Variants in PIWIL4 observed in about 807,000 individuals in gnomAD.
PIWIL4 encodes piwi-like protein 4.
In PIWIL4, 50 loss-of-function variants were observed where a neutral mutation model predicts 100.9. That is an observed-to-expected ratio of 0.50 (90% CI 0.39 to 0.63). PIWIL4 has a LOEUF of 0.63. Among genes scored for constraint, PIWIL4 ranks in the 20% least tolerant of loss-of-function variants. PIWIL4 has a pLI of 0.00. For missense variants in PIWIL4, 887 were observed against 1,043.3 expected, an observed-to-expected ratio of 0.85 and a Z score of 2.06; for synonymous variants, 342 against 367.5, an observed-to-expected ratio of 0.93 and a Z score of 0.79.
chr11:94,595,244 G>T lies in PIWIL4; in HGVS notation c.1151-65G>T, dbSNP rs1215334865. 53 of 1,333,450 alleles carry T rather than the reference G, an allele frequency of 4.0e-5. No homozygotes were observed. In the Middle Eastern group the frequency reaches 1.5e-3, roughly 37 times the overall value. 82.6% of individuals were successfully genotyped at this position (1,333,450 alleles called of 1,614,324 possible). On this transcript the variant is annotated intron_variant, in intron 9 of 19. Transcript: ENST00000299001. Reference sequence around the variant, plus strand: ...GCATTCAAGTGGAAAGGTTTAAACTGGGCCTTTGATGGGCTGAGTTGCTTA... The same window carrying T: ...GCATTCAAGTGGAAAGGTTTAAACTTGGCCTTTGATGGGCTGAGTTGCTTA...
Position 94,601,838 on chromosome 11 carries a change from C to A in PIWIL4, c.1424C>A (p.Thr475Asn). ...SAADWSKDIR[T>N]CKILNAQSLN... Reference sequence around the variant, plus strand: ...GCTGACTGGTCCAAGGATATTCGAACTTGCAAGATTTTAAATGCACAGTCT... The same window carrying A: ...GCTGACTGGTCCAAGGATATTCGAAATTGCAAGATTTTAAATGCACAGTCT... The change falls in exon 12 of 20, where the codon ACT (threonine) becomes AAT (asparagine). Residue 475 changes from threonine to asparagine, a missense_variant. This residue lies in a region of PIWIL4 where 741 missense variants were observed against 930.0 expected (regional missense o/e 0.80). Transcript: ENST00000299001. The A allele has an allele frequency of 6.2e-7, 1 of 1,614,062 alleles. No homozygotes were observed. Among genetic ancestry groups the A allele is most frequent in the South Asian group, 1.1e-5 (1 of 91,072 alleles).
intron 9 of PIWIL4, 103 bp from the exon 10 acceptor site, chr11:94,595,206 A>G: frequency 1.2e-6 from 1 of 854,186 alleles, no homozygotes; most frequent in Non-Finnish European, 1.9e-6. Context: ...GATGTGCTAT[A>G]CAGATGGTGA....
At chr11:94,570,926 A>T (rs951969732) in intron 2 of PIWIL4, among the ~76,000 whole-genome samples, 1 of 152,132 alleles carries the variant, frequency 6.6e-6, no homozygotes, top group African/African-American at 2.4e-5. Context: ...AACAAAAAAA[A>T]CAATTTAGTC....
Position 94,568,711 on chromosome 11 carries a change from C to CG in PIWIL4, c.88-19_88-18insG. On this transcript the variant is annotated intron_variant, in intron 1 of 19. Transcript: ENST00000299001. ...CTTACCATTGTAAATCTGAACAAAACTTTTTTTTGCCATTTTAGCCTAGAT... is the reference window on the plus strand; with the variant it reads ...CTTACCATTGTAAATCTGAACAAAACGTTTTTTTTGCCATTTTAGCCTAGAT... The CG allele has an allele frequency of 6.4e-7, 1 of 1,561,996 alleles. No homozygotes were observed. Among genetic ancestry groups the CG allele is most frequent in the Non-Finnish European group, 8.8e-7 (1 of 1,133,250 alleles).
intron 15 of PIWIL4, among the ~76,000 whole-genome samples, chr11:94,613,843 A>G (rs768721077): frequency 3.3e-5 from 5 of 151,930 alleles, no homozygotes; most frequent in Non-Finnish European, 5.9e-5. Flanking sequence ...GCTCTCTGCA[A>G]CCTCCGCCTC....
intron 16 of PIWIL4, 34 bp downstream of exon 16, chr11:94,616,597 A>T (rs757812940): frequency 1.2e-5 from 19 of 1,533,786 alleles, no homozygotes; most frequent in Admixed American, 3.7e-5. Context: ...GTGGGCTCCA[A>T]GGACTGTTCC....
intron 4 of PIWIL4, among the ~76,000 whole-genome samples, chr11:94,580,533 A>T (rs555506612): frequency 1.3e-5 from 2 of 152,164 alleles, no homozygotes; most frequent in Non-Finnish European, 2.9e-5. Flanking sequence ...ACTCTCATAT[A>T]CTTATAAAGA....
At chr11:94,615,702 G>C (rs1445227712) in intron 15 of PIWIL4, among the ~76,000 whole-genome samples, 2 of 152,166 alleles carry the variant, frequency 1.3e-5, no homozygotes, top group African/African-American at 4.8e-5. Context: ...CACAGGCACA[G>C]TGATAGCACA....
intron 15 of PIWIL4, among the ~76,000 whole-genome samples, chr11:94,613,834 C>A (rs1360199937): frequency 1.3e-5 from 2 of 152,202 alleles, no homozygotes; most frequent in Non-Finnish European, 2.9e-5. Context: ...ACAATCTTGG[C>A]TCTCTGCAAC....
chr11:94,595,235 G>C (rs2135272832), intron 9 of PIWIL4, 74 bp from the exon 10 acceptor site: 2 of 1,245,566 alleles, frequency 1.6e-6, no homozygotes, highest in Middle Eastern at 1.9e-4. Context: ...AAGTGGAAAG[G>C]TTTAAACTGG....
chr11:94,574,803 A>C (rs1948215602), intron 2 of PIWIL4, among the ~76,000 whole-genome samples, 196 bp from the exon 3 acceptor site: 1 of 152,192 alleles, frequency 6.6e-6, no homozygotes, highest in African/African-American at 2.4e-5. Flanking sequence ...TTTTTAACAA[A>C]ACGTTCTGTG....
chr11:94,576,758 T>C (rs556630146), intron 3 of PIWIL4, among the ~76,000 whole-genome samples: 9 of 152,316 alleles, frequency 5.9e-5, no homozygotes, highest in East Asian at 5.8e-4. Context: ...CCTTAATCTC[T>C]GAGGGTCTTC....
chr11:94,581,353 T>C (rs1948315231), intron 4 of PIWIL4, among the ~76,000 whole-genome samples: 1 of 152,138 alleles, frequency 6.6e-6, no homozygotes, highest in Admixed American at 6.5e-5. Flanking sequence ...TAGTTCCTTG[T>C]TTAGGATTTT....
intron 13 of PIWIL4, 42 bp from the exon 14 acceptor site, chr11:94,607,397 A>G (rs1473165400): frequency 6.4e-7 from 1 of 1,551,264 alleles, no homozygotes; most frequent in Admixed American, 1.7e-5. Context: ...TCTTAGCAGA[A>G]GTAAATTAAC....
rs758739126 is a variant in PIWIL4 at position 94,620,928 on chromosome 11, T to C, written c.2495T>C (p.Leu832Pro). 4.3e-6 allele frequency: 7 copies of C among 1,613,942 alleles called. No homozygotes were observed. In the South Asian group the frequency reaches 7.7e-5, roughly 18 times the overall value. Residue 832 changes from leucine (L) to proline (P), a missense_variant, in exon 20 of 20, where the codon CTG becomes CCG. By Grantham distance (98) the Leu-to-Pro change is moderately conservative. Transcript: ENST00000299001. Reference sequence around the variant, plus strand: ...CAGTATGCTCACAAGCTGACCTTTCTGGTGGCACAAAGCATTCATAAAGAA... The same window carrying C: ...CAGTATGCTCACAAGCTGACCTTTCCGGTGGCACAAAGCATTCATAAAGAA... ...PCQYAHKLTF[L>P]VAQSIHKEPS...
At chr11:94,610,498 C>G (rs1948776911) in intron 15 of PIWIL4, among the ~76,000 whole-genome samples, 1 of 152,096 alleles carries the variant, frequency 6.6e-6, no homozygotes, top group Admixed American at 6.5e-5. Context: ...TCCACATTCT[C>G]CCTAATATTT....
chr11:94,583,696 C>G, intron 5 of PIWIL4, 127 bp downstream of exon 5: 1 of 1,241,326 alleles, frequency 8.1e-7, no homozygotes. Context: ...AGGGCAATTT[C>G]TCAAGCACCT....
intron 15 of PIWIL4, 23 bp downstream of exon 15, chr11:94,608,709 AC>A: frequency 6.3e-7 from 1 of 1,575,096 alleles, no homozygotes; most frequent in Non-Finnish European, 8.7e-7. Context: ...CTACCTGAAC[AC>A]ATGCTTCATT....
chr11:94,577,932 G>A (rs1409096327), intron 4 of PIWIL4, among the ~76,000 whole-genome samples: 6 of 152,194 alleles, frequency 3.9e-5, no homozygotes, highest in Non-Finnish European at 7.3e-5. Context: ...ATGAGTAGAA[G>A]CATTGTTGTG....
Sources: allele counts gnomAD v4.1 joint callset (sites outside exome capture counted in the v4.1 genomes callset), GRCh38; gene constraint gnomAD v4.1.1; regional missense constraint gnomAD v4.1.1; transcripts MANE v1.5; gene names NCBI Gene and HGNC (gene_info 2026-07-23, HGNC 2026-07-21).